Variants in ZDHHC11B observed in about 807,000 individuals in gnomAD.
ZDHHC11B encodes probable palmitoyltransferase ZDHHC11B.
Under a neutral mutation model 42.3 loss-of-function variants are expected in ZDHHC11B, and 17 were observed. The ratio of observed to expected loss-of-function variants is 0.40; its 90% CI spans 0.27 to 0.60. The LOEUF (loss-of-function observed/expected upper bound fraction) is 0.60. Ranked by LOEUF, ZDHHC11B falls within the 20% of genes least tolerant of loss-of-function variation. ZDHHC11B has a pLI of 0.41. For missense variants in ZDHHC11B, 262 were observed against 463.2 expected, an observed-to-expected ratio of 0.57 and a Z score of 3.99; for synonymous variants, 123 against 193.5, an observed-to-expected ratio of 0.64 and a Z score of 3.02.
intron 4 of ZDHHC11B, among the ~76,000 whole-genome samples, chr5:766,493 G>A (rs1450516838): frequency 6.6e-6 from 1 of 151,840 alleles, no homozygotes; most frequent in African/African-American, 2.4e-5. Context: ...CTGATGTGGG[G>A]TCAGCAGCTG....
chr5:765,369 G>A (rs555534747), intron 4 of ZDHHC11B, among the ~76,000 whole-genome samples: 1 of 152,036 alleles, frequency 6.6e-6, no homozygotes, highest in East Asian at 1.9e-4. Flanking sequence ...AGCACTCTGT[G>A]TCTAGCTCAA....
At chr5:763,667 G>A (rs1351780362) in intron 4 of ZDHHC11B, among the ~76,000 whole-genome samples, 1 of 151,756 alleles carries the variant, frequency 6.6e-6, no homozygotes, top group Non-Finnish European at 1.5e-5. Context: ...CCTGATGTGA[G>A]CCACGCATCT....
intron 9 of ZDHHC11B, among the ~76,000 whole-genome samples, chr5:741,984 G>C (rs1744212930): frequency 7.4e-6 from 1 of 135,032 alleles, no homozygotes; most frequent in Non-Finnish European, 1.6e-5. Flanking sequence ...TTGATGACAG[G>C]CATTCTCCTG....
chr5:766,725 A>G lies in ZDHHC11B; in HGVS notation c.195T>C (p.Pro65=), dbSNP rs532010814. The G allele has an allele frequency of 8.7e-6, 14 of 1,611,256 alleles. No homozygotes were observed. The East Asian group carries it at 3.1e-4, about 36-fold the overall frequency. Residue 65 remains proline (P), a synonymous_variant, in exon 4 of 14, where the codon CCT becomes CCC. Transcript: ENST00000508859. ...ATFRIFIPLL[P]HSWKYIAYVV... ...CATAGGCGATGTATTTCCACGAGTG[A>G]GGCAGGAGGGGAATGAAGATCCTGA...
At chr5:770,053 C>T (rs1301824330) in intron 1 of ZDHHC11B, among the ~76,000 whole-genome samples, 2 of 151,782 alleles carry the variant, frequency 1.3e-5, no homozygotes, top group Non-Finnish European at 2.9e-5. Flanking sequence ...TTCGAGGGGT[C>T]CCCCGGGGAC....
At chr5:741,363 G>A (rs1438718782) in intron 10 of ZDHHC11B, among the ~76,000 whole-genome samples, 1 of 148,902 alleles carries the variant, frequency 6.7e-6, no homozygotes, top group Non-Finnish European at 1.5e-5. Context: ...TGTTAGTTAT[G>A]AAGAAGGGAG....
In ZDHHC11B at chr5:710,918, CTATGCTCCCATTTCCCAGT is replaced by C. The variant is rs1741316982; in HGVS notation, c.*1353_*1371del. On this transcript the variant is annotated 3_prime_UTR_variant, in exon 14 of 14. Transcript: ENST00000508859. Reference sequence around the variant, plus strand: ...AGTACTGTGCTCCCATTTCCCAATGCTATGCTCCCATTTCCCAGTGCTGTGAGCTCCCATTTCCCAGTAC... The same window carrying C: ...AGTACTGTGCTCCCATTTCCCAATGCGCTGTGAGCTCCCATTTCCCAGTAC... 8 of 32,686 alleles carry C rather than the reference CTATGCTCCCATTTCCCAGT, an allele frequency of 2.4e-4. No individual in the cohort carries two copies. Among genetic ancestry groups the C allele is most frequent in the Non-Finnish European group, 4.4e-4 (7 of 16,024 alleles). 2.0% of individuals were successfully genotyped at this position (32,686 alleles called of 1,614,324 possible). A position where few individuals can be genotyped will look rare whatever the true frequency, so the allele number is the denominator to read the frequency against.
At chr5:776,665 C>A (rs72707102) in intron 1 of ZDHHC11B, among the ~76,000 whole-genome samples, 3 of 146,496 alleles carry the variant, frequency 2.0e-5, no homozygotes, top group Non-Finnish European at 4.6e-5. Context: ...ACCCTCACAG[C>A]GGAAGGAGTG....
intron 4 of ZDHHC11B, among the ~76,000 whole-genome samples, chr5:759,351 T>A (rs1734279778): frequency 6.6e-6 from 1 of 151,890 alleles, no homozygotes; most frequent in Non-Finnish European, 1.5e-5. Context: ...CAGCCCCTAC[T>A]CCTGGGGCCC....
intron 11 of ZDHHC11B, chr5:732,417 G>A (rs1743082855): frequency 6.5e-6 from 2 of 307,444 alleles, no homozygotes; most frequent in Non-Finnish European, 1.3e-5. Context: ...ACAATCGCAG[G>A]CAGAGAAACT....
At chr5:729,812 T>C (rs1239081265) in intron 12 of ZDHHC11B, among the ~76,000 whole-genome samples, 3 of 151,898 alleles carry the variant, frequency 2.0e-5, no homozygotes, top group African/African-American at 7.3e-5. Flanking sequence ...TTACTCAGCA[T>C]CATGTGTGAG....
Position 711,222 on chromosome 5 carries a change from T to A in ZDHHC11B, c.*1068A>T. The A allele has an allele frequency of 1.3e-5, 2 of 156,058 alleles. No individual in the cohort carries two copies. The highest frequency in any genetic ancestry group is 2.1e-4 in the South Asian group (1 of 4,862). The allele number at this position is 156,058 out of a possible 1,614,324, so 9.7% of individuals were successfully genotyped here. On this transcript the variant is annotated 3_prime_UTR_variant, in exon 14 of 14. Transcript: ENST00000508859. ...GCTGTGCCCTCCCCTTTCCCAGTAC[T>A]GTGCTCCCATTTCCCAATACTGTGC...
At position 744,392 on chromosome 5, in the gene ZDHHC11B, T is replaced by C. The variant is rs1162582809; in HGVS notation, c.900+791A>G. Reference sequence around the variant, plus strand: ...TGTGTAGGTTGTATTGTATTTTTTCTTTAAATCTTTGCTGGAATTCATGCA... The same window carrying C: ...TGTGTAGGTTGTATTGTATTTTTTCCTTAAATCTTTGCTGGAATTCATGCA... On this transcript the variant is annotated intron_variant, in intron 9 of 13. Transcript: ENST00000508859. 1.2e-4 allele frequency among the ~76,000 whole-genome samples: 18 copies of C among 149,526 alleles called. 1 individual carries two copies. Among genetic ancestry groups the C allele is most frequent in the Middle Eastern group, 3.4e-3 (1 of 290 alleles).
At chr5:764,153 T>C (rs1427045180) in intron 4 of ZDHHC11B, among the ~76,000 whole-genome samples, 1 of 151,958 alleles carries the variant, frequency 6.6e-6, no homozygotes, top group East Asian at 1.9e-4. Flanking sequence ...ACGCTCACCA[T>C]TTACCAGAGA....
chr5:757,336 T>G (rs1697955), intron 4 of ZDHHC11B, among the ~76,000 whole-genome samples: 1 of 151,658 alleles, frequency 6.6e-6, no homozygotes, highest in Non-Finnish European at 1.5e-5. Flanking sequence ...GTGCTGGCCA[T>G]GTGCAAAAAG....
intron 12 of ZDHHC11B, among the ~76,000 whole-genome samples, chr5:721,305 T>C (rs1158040356): frequency 6.6e-6 from 1 of 151,096 alleles, no homozygotes; most frequent in African/African-American, 2.4e-5. Context: ...ATATATGATA[T>C]ACAAAATGCA....
At chr5:712,679 G>A (rs1394794327) in intron 13 of ZDHHC11B, among the ~76,000 whole-genome samples, 1 of 150,976 alleles carries the variant, frequency 6.6e-6, no homozygotes, top group African/African-American at 2.4e-5. Flanking sequence ...GGAGTCCGAG[G>A]CGGGTGGATC....
At chr5:769,717 C>T (rs648499) in intron 1 of ZDHHC11B, among the ~76,000 whole-genome samples, 79 of 152,034 alleles carry the variant, frequency 5.2e-4, no homozygotes, top group African/African-American at 1.2e-3. Flanking sequence ...AGGCCTAGTG[C>T]GCGCCATCCT....
At chr5:732,135 A>G in intron 11 of ZDHHC11B, 1 of 156,358 alleles carries the variant, frequency 6.4e-6, no homozygotes, top group Non-Finnish European at 1.4e-5. Context: ...AGCTCAGCAC[A>G]GGGCTGTGCC....
Sources: gnomAD v4.1 joint callset for allele counts (sites outside exome capture counted in the v4.1 genomes callset) on GRCh38, gnomAD v4.1.1 for gene constraint, MANE v1.5 for transcripts, NCBI Gene and HGNC (gene_info 2026-07-23, HGNC 2026-07-21) for gene names.